RBPMS2: variants seen among roughly 807,000 people sequenced by gnomAD.
The protein encoded by RBPMS2 is RNA-binding protein with multiple splicing 2.
Under a neutral mutation model 25.7 loss-of-function variants are expected in RBPMS2, and 14 were observed. That is an observed-to-expected ratio of 0.55 (90% CI 0.36 to 0.85). The LOEUF is 0.85. Among genes scored for constraint, RBPMS2 ranks in the 40% least tolerant of loss-of-function variants. The pLI is 0.01. For missense variants in RBPMS2, 252 were observed against 283.4 expected (o/e 0.89, Z 0.80); for synonymous variants, 127 against 115.6 (o/e 1.10, Z -0.63).
rs1194608139 is a variant in RBPMS2, at chr15:64,748,479, G to A, written c.507C>T (p.Ile169=). 2 of 1,614,104 alleles carry A rather than the reference G, an allele frequency of 1.2e-6. No homozygotes were observed. Among genetic ancestry groups the A allele is most frequent in the Admixed American group, 1.7e-5 (1 of 60,022 alleles). The change falls in exon 6 of 8, where the codon ATC becomes ATT. Residue 169 remains isoleucine, a synonymous_variant. Transcript: ENST00000300069. The part of the protein sequence containing the change: ...PLYTTELTPA[I]SHAAFTYPTA... ...TTGGGTAGGTGAACGCAGCATGGGA[G>A]ATGGCTGGGGTCAGCTCTGTGGTGT...
intron 6 of RBPMS2, among the ~76,000 whole-genome samples, chr15:64,745,508 C>T (rs1234068304): frequency 1.3e-5 from 2 of 152,028 alleles, no homozygotes; most frequent in Non-Finnish European, 2.9e-5. Context: ...ATGGGTGAAC[C>T]AGTTTAAGGG....
chr15:64,747,998 T>A (rs935091781), intron 6 of RBPMS2, among the ~76,000 whole-genome samples: 16 of 54,284 alleles, frequency 2.9e-4, no homozygotes, highest in Non-Finnish European at 1.3e-3. Flanking sequence ...ATTTTTCAGA[T>A]GACTAAAAAA....
At chr15:64,757,769 C>G (rs924486525) in intron 1 of RBPMS2, among the ~76,000 whole-genome samples, 1 of 151,522 alleles carries the variant, frequency 6.6e-6, no homozygotes, top group Non-Finnish European at 1.5e-5. Context: ...CATTCAGGAA[C>G]AGGCTGGATG....
intron 1 of RBPMS2, among the ~76,000 whole-genome samples, chr15:64,773,226 G>A (rs1468514259): frequency 6.6e-5 from 10 of 152,190 alleles, no homozygotes; most frequent in Admixed American, 5.2e-4. Flanking sequence ...CTAAACTACA[G>A]GGAGGATTCC....
At chr15:64,751,528 C>A in intron 2 of RBPMS2, 33 bp downstream of exon 2, 1 of 1,594,982 alleles carries the variant, frequency 6.3e-7, no homozygotes, top group Non-Finnish European at 8.6e-7. Flanking sequence ...GGGTCCCAGG[C>A]TCTACCCAGG....
intron 1 of RBPMS2, among the ~76,000 whole-genome samples, chr15:64,754,542 C>T (rs1474682494): frequency 2.0e-5 from 3 of 151,828 alleles, no homozygotes; most frequent in Non-Finnish European, 2.9e-5. Flanking sequence ...AATCGGGAGG[C>T]AGAGGTTGCA....
chr15:64,756,348 T>G (rs1421156319), intron 1 of RBPMS2, among the ~76,000 whole-genome samples: 1 of 152,072 alleles, frequency 6.6e-6, no homozygotes, highest in Non-Finnish European at 1.5e-5. Flanking sequence ...AAACCCCGTC[T>G]CTACTAAAGA....
At chr15:64,771,828 G>T (rs112536553) in intron 1 of RBPMS2, among the ~76,000 whole-genome samples, 16 of 152,018 alleles carry the variant, frequency 1.1e-4, no homozygotes, top group Non-Finnish European at 2.2e-4. Context: ...GTATGGTGGC[G>T]GGCACCTGTA....
intron 7 of RBPMS2, 80 bp downstream of exon 7, chr15:64,741,093 G>A (rs552110675): frequency 2.1e-5 from 24 of 1,121,056 alleles, no homozygotes; most frequent in African/African-American, 6.2e-5. Flanking sequence ...CTTGAGACCC[G>A]GGGCAGAGGG....
At chr15:64,756,700 G>A (rs1217150678) in intron 1 of RBPMS2, among the ~76,000 whole-genome samples, 6 of 149,002 alleles carry the variant, frequency 4.0e-5, no homozygotes, top group Non-Finnish European at 7.4e-5. Context: ...GGAGTGCAGT[G>A]GCACAAACTC....
In RBPMS2 at chr15:64,765,956, G is replaced by T. The variant is rs569474442; in HGVS notation, c.87+9277C>A. Among the ~76,000 whole-genome samples the T allele has an allele frequency of 2.5e-4, 38 of 150,054 alleles. No individual in the cohort carries two copies. The Admixed American group carries it at 2.5e-3, about 10-fold the overall frequency. ...TGCAGTGAGCTAAGACTGAGCCACT[G>T]CACTCCAGCCTGGCAACAGAGCGAG... On this transcript the variant is annotated intron_variant, in intron 1 of 7. Transcript: ENST00000300069.
chr15:64,748,354 C>A, intron 6 of RBPMS2, 65 bp downstream of exon 6: 1 of 1,540,874 alleles, frequency 6.5e-7, no homozygotes, highest in African/African-American at 1.4e-5. Flanking sequence ...AGTGGCCAGG[C>A]ACATGCAAAG....
intron 1 of RBPMS2, among the ~76,000 whole-genome samples, chr15:64,758,880 C>T (rs967057595): frequency 6.6e-6 from 1 of 151,946 alleles, no homozygotes; most frequent in South Asian, 2.1e-4. Flanking sequence ...AGCTCTCTCC[C>T]GCCAGCCAGT....
At chr15:64,754,923 C>T (rs1257204567) in intron 1 of RBPMS2, among the ~76,000 whole-genome samples, 1 of 152,194 alleles carries the variant, frequency 6.6e-6, no homozygotes, top group Non-Finnish European at 1.5e-5. Flanking sequence ...CCCTTCTCTC[C>T]TCCCCTTCCT....
At chr15:64,763,467 C>G (rs1011350610) in intron 1 of RBPMS2, among the ~76,000 whole-genome samples, 3 of 152,192 alleles carry the variant, frequency 2.0e-5, no homozygotes, top group Non-Finnish European at 2.9e-5. Flanking sequence ...CTAGTAAGGA[C>G]AAGTCCCAGG....
At chr15:64,751,534 C>G in intron 2 of RBPMS2, 27 bp downstream of exon 2, 1 of 1,607,684 alleles carries the variant, frequency 6.2e-7, no homozygotes. Context: ...CAGGCTCTAC[C>G]CAGGGGGCGG....
At chr15:64,744,356 C>T (rs1267417305) in intron 6 of RBPMS2, among the ~76,000 whole-genome samples, 4 of 151,692 alleles carry the variant, frequency 2.6e-5, no homozygotes, top group African/African-American at 7.3e-5. Context: ...GTCGAGAGTT[C>T]GAGACCAGCC....
intron 1 of RBPMS2, chr15:64,762,315 G>C (rs1183292492): frequency 9.7e-6 from 5 of 514,758 alleles, no homozygotes; most frequent in African/African-American, 7.8e-5. Context: ...CCACAGCTGA[G>C]TGTGAGTGGC....
intron 6 of RBPMS2, among the ~76,000 whole-genome samples, chr15:64,745,868 G>A (rs1354536146): frequency 6.6e-6 from 1 of 152,184 alleles, no homozygotes; most frequent in Non-Finnish European, 1.5e-5. Flanking sequence ...GCATGCAGCT[G>A]GGGTAGAGAA....
Sources: allele counts gnomAD v4.1 joint callset (sites outside exome capture counted in the v4.1 genomes callset), GRCh38; gene constraint gnomAD v4.1.1; transcripts MANE v1.5; gene names NCBI Gene and HGNC (gene_info 2026-07-23, HGNC 2026-07-21).